SLC44A5: variants seen among roughly 807,000 people sequenced by gnomAD.
SLC44A5 encodes solute carrier family 44 member 5, also known as choline transporter-like protein 5.
Under a neutral mutation model 101.8 loss-of-function variants are expected in SLC44A5, and 57 were observed. That is an observed-to-expected ratio of 0.56 (90% CI 0.45 to 0.70). SLC44A5 has a LOEUF of 0.70. Ranked by LOEUF, SLC44A5 falls within the 30% of genes least tolerant of loss-of-function variation. The pLI, the probability that SLC44A5 is intolerant of heterozygous loss-of-function variation, is 0.00. For synonymous variants in SLC44A5, 281 were observed against 290.9 expected, an observed-to-expected ratio of 0.97 and a Z score of 0.35; for missense variants, 737 against 853.1, an observed-to-expected ratio of 0.86 and a Z score of 1.70.
chr1:75,513,824 A>G (rs553016036), intron 2 of SLC44A5, among the ~76,000 whole-genome samples: 12 of 152,308 alleles, frequency 7.9e-5, no homozygotes, highest in Middle Eastern at 3.4e-3. Context: ...TCAATGCTAT[A>G]TAAAGGACTG....
intron 2 of SLC44A5, among the ~76,000 whole-genome samples, chr1:75,508,026 A>T (rs1669364985): frequency 1.3e-5 from 2 of 152,140 alleles, no homozygotes; most frequent in Admixed American, 1.3e-4. Flanking sequence ...CATCAATTGG[A>T]TATCTACAGA....
chr1:75,361,984 C>A (rs927254747), intron 3 of SLC44A5, among the ~76,000 whole-genome samples: 1 of 151,870 alleles, frequency 6.6e-6, no homozygotes, highest in Non-Finnish European at 1.5e-5. Flanking sequence ...ATTAAATCTC[C>A]TTACTTATTA....
chr1:75,243,374 T>C (rs1252745601), intron 7 of SLC44A5, among the ~76,000 whole-genome samples: 1 of 151,992 alleles, frequency 6.6e-6, no homozygotes, highest in Non-Finnish European at 1.5e-5. Flanking sequence ...TGAGCTCAAG[T>C]GATCCACCCA....
At chr1:75,468,718 A>G (rs752626490) in intron 2 of SLC44A5, among the ~76,000 whole-genome samples, 1 of 152,200 alleles carries the variant, frequency 6.6e-6, no homozygotes, top group Non-Finnish European at 1.5e-5. Flanking sequence ...GTTAATGGGT[A>G]CAAAAAAAAT....
chr1:75,263,976 G>A (rs584816), intron 6 of SLC44A5, among the ~76,000 whole-genome samples: 1 of 151,624 alleles, frequency 6.6e-6, no homozygotes, highest in South Asian at 2.1e-4. Context: ...ACTGGGGCCT[G>A]TTGGGGGGTT....
chr1:75,386,010 C>A (rs2101299144), intron 3 of SLC44A5, among the ~76,000 whole-genome samples: 1 of 152,232 alleles, frequency 6.6e-6, no homozygotes, highest in South Asian at 2.1e-4. Flanking sequence ...ATTCAACAAC[C>A]CCTCATGCTA....
At chr1:75,302,109 TTTG>T (rs1434620568) in intron 4 of SLC44A5, among the ~76,000 whole-genome samples, 9 of 112,422 alleles carry the variant, frequency 8.0e-5, no homozygotes, top group Middle Eastern at 4.6e-3. Flanking sequence ...CTCTAGTTTT[TTTG>T]TTTTTTTTTT....
intron 2 of SLC44A5, among the ~76,000 whole-genome samples, chr1:75,505,359 T>C (rs1669193515): frequency 6.6e-6 from 1 of 152,136 alleles, no homozygotes; most frequent in African/African-American, 2.4e-5. Flanking sequence ...ATGATTTGTT[T>C]TTCTTTGGGA....
At chr1:75,210,378 T>G (rs556666616) in intron 23 of SLC44A5, among the ~76,000 whole-genome samples, 13 of 152,182 alleles carry the variant, frequency 8.5e-5, no homozygotes, top group South Asian at 2.1e-4. Flanking sequence ...AAAACCCTAT[T>G]TTGTGTATGG....
intron 7 of SLC44A5, among the ~76,000 whole-genome samples, chr1:75,245,705 T>G (rs1441053269): frequency 1.3e-5 from 2 of 152,084 alleles, no homozygotes; most frequent in Non-Finnish European, 2.9e-5. Context: ...TAAAAGAAAG[T>G]AATTAAAATA....
Position 75,251,195 on chromosome 1 carries a change from C to G in SLC44A5, c.345+15G>C. On this transcript the variant is annotated intron_variant, in intron 7 of 23. Coordinates refer to ENST00000370859, the MANE Select transcript of SLC44A5 (RefSeq NM_001130058.2). ...AGAACGGCTGACACTACCAGTGAGG[C>G]ACCTTTTGCCTTACCTGTGTGGTAG... The G allele has an allele frequency of 5.0e-6, 8 of 1,592,148 alleles. No homozygotes were observed. Among genetic ancestry groups the G allele is most frequent in the Non-Finnish European group, 6.9e-6 (8 of 1,160,598 alleles).
chr1:75,588,516 G>A (rs987689800), intron 1 of SLC44A5, among the ~76,000 whole-genome samples: 13 of 151,954 alleles, frequency 8.6e-5, no homozygotes, highest in Non-Finnish European at 1.5e-4. Flanking sequence ...ATATCTGCCC[G>A]ATCCGAAAGT....
chr1:75,511,334 G>A (rs1222385422), intron 2 of SLC44A5, among the ~76,000 whole-genome samples: 1 of 152,030 alleles, frequency 6.6e-6, no homozygotes, highest in Admixed American at 6.6e-5. Context: ...TCTTTTAAAT[G>A]TCAAACATGT....
At chr1:75,353,145 T>C (rs4949666) in intron 3 of SLC44A5, among the ~76,000 whole-genome samples, 13,816 of 152,160 alleles carry the variant, frequency 0.091, 852 homozygotes, top group Admixed American at 0.2. Context: ...ACCCACACAC[T>C]CACTCACAAA....
At chr1:75,602,652 T>C (rs1392109454) in intron 1 of SLC44A5, among the ~76,000 whole-genome samples, 1 of 152,100 alleles carries the variant, frequency 6.6e-6, no homozygotes, top group Non-Finnish European at 1.5e-5. Context: ...GAGTAAAGAA[T>C]GTGATGACAT....
chr1:75,444,915 G>A (rs1159078634), intron 2 of SLC44A5, among the ~76,000 whole-genome samples: 2 of 152,150 alleles, frequency 1.3e-5, no homozygotes, highest in Non-Finnish European at 2.9e-5. Context: ...ATTGGGTTAG[G>A]TAGAGGAGAG....
At chr1:75,463,058 G>A (rs1464394730) in intron 2 of SLC44A5, among the ~76,000 whole-genome samples, 1 of 152,034 alleles carries the variant, frequency 6.6e-6, no homozygotes, top group African/African-American at 2.4e-5. Context: ...AGAACATCAA[G>A]CAGATTTAAC....
chr1:75,671,002 C>T, the SLC44A5 span, among the ~76,000 whole-genome samples: 1 of 152,156 alleles, frequency 6.6e-6, no homozygotes, highest in East Asian at 1.9e-4. Context: ...CTGCACGTAA[C>T]ATAGGGAAGC....
chr1:75,226,832 T>C (rs967164777), intron 13 of SLC44A5, among the ~76,000 whole-genome samples: 1 of 152,238 alleles, frequency 6.6e-6, no homozygotes, highest in African/African-American at 2.4e-5. Context: ...GAATATAAGA[T>C]TAAAACCATC....
Sources: allele counts gnomAD v4.1 joint callset (sites outside exome capture counted in the v4.1 genomes callset), GRCh38; gene constraint gnomAD v4.1.1; transcripts MANE v1.5; gene names NCBI Gene and HGNC (gene_info 2026-07-23, HGNC 2026-07-21).